KDM4C: variants seen among roughly 807,000 people sequenced by gnomAD.
KDM4C encodes the protein lysine-specific demethylase 4C.
In KDM4C, 81 loss-of-function variants were observed where a neutral mutation model predicts 129.3. That is an observed-to-expected ratio of 0.63 (90% CI 0.52 to 0.75). The LOEUF is 0.75. Ranked by LOEUF, KDM4C falls within the 30% of genes least tolerant of loss-of-function variation. The pLI, the probability that KDM4C is intolerant of heterozygous loss-of-function variation, is 0.00. For missense variants in KDM4C, 1,457 were observed against 1,304.0 expected (o/e 1.12, Z -1.81); for synonymous variants, 573 against 456.1 (o/e 1.26, Z -3.26).
At position 6,838,540 on chromosome 9, in the gene KDM4C, T is replaced by C. The variant is rs551817239; in HGVS notation, c.436-10967T>C. Among the ~76,000 whole-genome samples, 12 of 152,282 alleles carry C rather than the reference T, an allele frequency of 7.9e-5. No homozygotes were observed. The South Asian group carries it at 8.3e-4, about 11-fold the overall frequency. On this transcript the variant is annotated intron_variant, in intron 4 of 21. Coordinates refer to ENST00000381309, the MANE Select transcript of KDM4C (RefSeq NM_015061.6). ...CAGTCTTTTATTTGACTGGACGTTT[T>C]CCCCATTTTTTCTCTGTCCTTTTTG... is the stretch of plus-strand genomic sequence containing the variant.
intron 1 of KDM4C, among the ~76,000 whole-genome samples, chr9:6,766,945 T>C (rs1224814630): frequency 1.3e-5 from 2 of 152,072 alleles, no homozygotes; most frequent in Non-Finnish European, 2.9e-5. Flanking sequence ...TTGTACCAGA[T>C]GTTTGTTTAA....
chr9:6,752,819 C>T (rs563807995), upstream of KDM4C, among the ~76,000 whole-genome samples: 457 of 152,202 alleles, frequency 3.0e-3, 3 homozygotes, highest in African/African-American at 0.011. Flanking sequence ...TAATCAGAGA[C>T]TTTATAAAAA....
intron 19 of KDM4C, among the ~76,000 whole-genome samples, chr9:7,147,347 T>G (rs1207187877): frequency 2.6e-5 from 4 of 152,100 alleles, no homozygotes; most frequent in Non-Finnish European, 5.9e-5. Context: ...GCCGGACATA[T>G]AAACACAGGG....
chr9:6,935,946 T>C (rs1395812905), intron 8 of KDM4C, among the ~76,000 whole-genome samples: 1 of 151,888 alleles, frequency 6.6e-6, no homozygotes, highest in East Asian at 1.9e-4. Flanking sequence ...GTAAGAGTTT[T>C]AAAATGTCAT....
chr9:6,734,903 C>G (rs1817473211), intron 1 of KDM4C: 2 of 567,768 alleles, frequency 3.5e-6, no homozygotes, highest in African/African-American at 3.8e-5. Context: ...AAGGTAGTCC[C>G]CAGTCTGTGC....
intron 8 of KDM4C, among the ~76,000 whole-genome samples, chr9:6,898,025 A>C (rs961433411): frequency 6.6e-6 from 1 of 152,106 alleles, no homozygotes; most frequent in African/African-American, 2.4e-5. Flanking sequence ...CTTCCTGGCC[A>C]GGTTGGATCA....
intron 15 of KDM4C, among the ~76,000 whole-genome samples, chr9:7,031,820 C>T (rs1469164632): frequency 2.0e-5 from 3 of 152,176 alleles, no homozygotes; most frequent in Non-Finnish European, 4.4e-5. Flanking sequence ...AAAGTGAAGT[C>T]ATTTGTCTGC....
intron 10 of KDM4C, among the ~76,000 whole-genome samples, chr9:6,985,417 T>A (rs1225367338): frequency 6.6e-6 from 1 of 152,236 alleles, no homozygotes; most frequent in Non-Finnish European, 1.5e-5. Flanking sequence ...CATGTTTTAG[T>A]GGAGAGCTAG....
At chr9:6,737,792 G>A (rs978929940) in intron 1 of KDM4C, among the ~76,000 whole-genome samples, 4 of 151,666 alleles carry the variant, frequency 2.6e-5, no homozygotes, top group Non-Finnish European at 5.9e-5. Flanking sequence ...AAACCACAAT[G>A]AGATACAAAC....
chr9:6,791,129 C>G (rs762085543), intron 1 of KDM4C, among the ~76,000 whole-genome samples: 2 of 152,062 alleles, frequency 1.3e-5, no homozygotes, highest in Non-Finnish European at 2.9e-5. Flanking sequence ...GAGTTAGTTA[C>G]TTCTTCCTGT....
At chr9:7,017,920 G>A (rs1481443895) in intron 15 of KDM4C, among the ~76,000 whole-genome samples, 2 of 152,108 alleles carry the variant, frequency 1.3e-5, no homozygotes, top group South Asian at 2.1e-4. Flanking sequence ...CATTCACTTT[G>A]GGGAGTGAAA....
chr9:6,843,898 T>C (rs1024246572), intron 4 of KDM4C, among the ~76,000 whole-genome samples: 2 of 152,196 alleles, frequency 1.3e-5, no homozygotes, highest in African/African-American at 4.8e-5. Flanking sequence ...TTGCCTAGGC[T>C]GGAGTGCAGT....
chr9:7,060,837 A>G (rs888242202), intron 17 of KDM4C, among the ~76,000 whole-genome samples: 22 of 152,052 alleles, frequency 1.4e-4, no homozygotes, highest in African/African-American at 5.3e-4. Context: ...GGGCATGCAT[A>G]TTTGTTTTAG....
intron 19 of KDM4C, among the ~76,000 whole-genome samples, chr9:7,135,961 C>T (rs1423555722): frequency 6.6e-6 from 1 of 152,194 alleles, no homozygotes; most frequent in Non-Finnish European, 1.5e-5. Flanking sequence ...TCACCACCAC[C>T]AGGAGCTCAT....
At chr9:6,726,034 C>T (rs976867698) in intron 1 of KDM4C, among the ~76,000 whole-genome samples, 2 of 151,966 alleles carry the variant, frequency 1.3e-5, no homozygotes, top group African/African-American at 2.4e-5. Context: ...TCAAGCAATT[C>T]CCCTGCTTCA....
chr9:6,905,864 A>G (rs1046040824), intron 8 of KDM4C, among the ~76,000 whole-genome samples: 2 of 152,140 alleles, frequency 1.3e-5, no homozygotes, highest in Non-Finnish European at 2.9e-5. Flanking sequence ...TTCAATTCCT[A>G]TTACCCTTTA....
At chr9:6,901,461 A>G (rs548363158) in intron 8 of KDM4C, among the ~76,000 whole-genome samples, 189 of 152,314 alleles carry the variant, frequency 1.2e-3, no homozygotes, top group Non-Finnish European at 2.2e-3. Flanking sequence ...TGTCCTTCAG[A>G]TTCACTGTCT....
intron 17 of KDM4C, among the ~76,000 whole-genome samples, chr9:7,086,698 T>C (rs1020029287): frequency 6.6e-6 from 1 of 152,236 alleles, no homozygotes; most frequent in Non-Finnish European, 1.5e-5. Flanking sequence ...ATTCCTGAGA[T>C]CATGGACTAT....
intron 15 of KDM4C, among the ~76,000 whole-genome samples, chr9:7,040,721 A>G (rs528503020): frequency 1.3e-5 from 2 of 151,262 alleles, no homozygotes; most frequent in South Asian, 2.1e-4. Flanking sequence ...TCCATTACCT[A>G]TTTGCCTTCA....
Sources: allele counts gnomAD v4.1 joint callset (sites outside exome capture counted in the v4.1 genomes callset), GRCh38; gene constraint gnomAD v4.1.1; transcripts MANE v1.5; gene names NCBI Gene and HGNC (gene_info 2026-07-23, HGNC 2026-07-21).